CSMD1: variants seen among roughly 807,000 people sequenced by gnomAD.
CSMD1 encodes CUB and Sushi multiple domains 1.
In CSMD1, 213 loss-of-function variants were observed where a neutral mutation model predicts 417.5. That is an observed-to-expected ratio of 0.51 (90% CI 0.46 to 0.57). The LOEUF (loss-of-function observed/expected upper bound fraction) is 0.57. Ranked by LOEUF, CSMD1 falls within the 20% of genes least tolerant of loss-of-function variation. The probability of loss-of-function intolerance (pLI) is 0.00; values close to 1 mark genes in which losing one functional copy is unlikely to be tolerated. For synonymous variants in CSMD1, 2,862 were observed against 1,736.8 expected (o/e 1.65, Z -16.11); for missense variants, 6,923 against 4,529.7 (o/e 1.53, Z -15.17).
intron 11 of CSMD1, among the ~76,000 whole-genome samples, chr8:3,477,916 A>G (rs2117228448): frequency 6.6e-6 from 1 of 152,348 alleles, no homozygotes; most frequent in Admixed American, 6.5e-5. Flanking sequence ...AAGAGCAGGA[A>G]TCTGATTTAT....
At chr8:4,540,850 C>G (rs941482741) in intron 2 of CSMD1, among the ~76,000 whole-genome samples, 6 of 152,040 alleles carry the variant, frequency 3.9e-5, no homozygotes, top group African/African-American at 1.2e-4. Context: ...AAAGGCTCAC[C>G]CAAACCAGCA....
chr8:4,679,697 AC>A (rs1185987199), intron 1 of CSMD1, among the ~76,000 whole-genome samples: 2 of 143,862 alleles, frequency 1.4e-5, no homozygotes, highest in African/African-American at 6.0e-5. Flanking sequence ...GAACCCAGAC[AC>A]TCAGTGGATT....
intron 3 of CSMD1, among the ~76,000 whole-genome samples, chr8:4,213,561 C>G (rs930522413): frequency 2.1e-4 from 32 of 152,168 alleles, no homozygotes; most frequent in African/African-American, 7.0e-4. Flanking sequence ...AAATAAAACA[C>G]TTTTGCTCTC....
intron 12 of CSMD1, among the ~76,000 whole-genome samples, chr8:3,424,008 T>C (rs1198173945): frequency 6.6e-6 from 1 of 152,220 alleles, no homozygotes; most frequent in Non-Finnish European, 1.5e-5. Context: ...GAAAAAGTGG[T>C]CTCTCCAAGC....
At chr8:4,445,162 G>C (rs540674926) in intron 2 of CSMD1, among the ~76,000 whole-genome samples, 3 of 152,176 alleles carry the variant, frequency 2.0e-5, no homozygotes, top group East Asian at 3.9e-4. Flanking sequence ...GATGGCACTA[G>C]AAGAATCTGA....
chr8:4,167,197 C>T (rs1163258208), intron 3 of CSMD1, among the ~76,000 whole-genome samples: 1 of 152,050 alleles, frequency 6.6e-6, no homozygotes, highest in Non-Finnish European at 1.5e-5. Context: ...TTCCAGAGGG[C>T]CTGTATTTTA....
chr8:3,702,306 G>T (rs62474750), intron 7 of CSMD1: 145,035 of 152,230 alleles, frequency 0.95, 69,147 homozygotes, highest in East Asian at 1. Context: ...ATCGAATTGG[G>T]CAAGTCATTT....
At chr8:3,718,407 G>A (rs7843888) in intron 6 of CSMD1, among the ~76,000 whole-genome samples, 31,192 of 151,964 alleles carry the variant, frequency 0.21, 4,036 homozygotes, top group African/African-American at 0.37. Context: ...AAATCAGTCA[G>A]TGTCCTTTCC....
chr8:3,825,297 C>T (rs556131680), intron 5 of CSMD1, among the ~76,000 whole-genome samples: 13 of 152,020 alleles, frequency 8.6e-5, no homozygotes, highest in Non-Finnish European at 1.6e-4. Flanking sequence ...TGGGAGACCG[C>T]GACAGGTGGA....
In CSMD1 at chr8:3,550,105, A is replaced by C. The variant is rs138839859; in HGVS notation, c.1344+24840T>G. ...AAAAAGAAAGCAAAGCACAGAGCCG[A>C]TAAAAAAGTGTCCCATTGGGATCAC... On this transcript the variant is annotated intron_variant, in intron 10 of 69. Transcript: ENST00000635120. 6.9e-3 allele frequency among the ~76,000 whole-genome samples: 1,046 copies of C among 152,310 alleles called. 9 individuals are homozygous for C. Among genetic ancestry groups the C allele is most frequent in the Admixed American group, 0.015 (231 of 15,296 alleles).
chr8:4,665,096 C>T (rs1002842413), intron 1 of CSMD1, among the ~76,000 whole-genome samples: 1 of 152,176 alleles, frequency 6.6e-6, no homozygotes, highest in East Asian at 1.9e-4. Context: ...TTCCACCTTG[C>T]CACCCAGCCC....
At chr8:3,564,495 A>G (rs1799610106) in intron 10 of CSMD1, among the ~76,000 whole-genome samples, 2 of 140,818 alleles carry the variant, frequency 1.4e-5, no homozygotes, top group African/African-American at 5.2e-5. Context: ...GTCTTCTTAG[A>G]AATGCTGGCT....
chr8:4,150,215 G>T (rs1165609599), intron 3 of CSMD1, among the ~76,000 whole-genome samples: 1 of 152,132 alleles, frequency 6.6e-6, no homozygotes, highest in Non-Finnish European at 1.5e-5. Flanking sequence ...ATCGGCCCCA[G>T]GAAAACAGGG....
chr8:3,206,638 G>A (rs1380450629), intron 30 of CSMD1, among the ~76,000 whole-genome samples: 2 of 143,212 alleles, frequency 1.4e-5, no homozygotes, highest in African/African-American at 2.6e-5. Flanking sequence ...TTATGTCTGT[G>A]TGTGTGTGGG....
At chr8:3,515,286 G>C (rs149078881) in intron 10 of CSMD1, 1 of 152,108 alleles carries the variant, frequency 6.6e-6, no homozygotes, top group African/African-American at 2.4e-5. Flanking sequence ...GGAGTATGTG[G>C]TGTAAATAAT....
At chr8:4,412,973 C>G (rs762442398) in intron 3 of CSMD1, among the ~76,000 whole-genome samples, 4 of 152,162 alleles carry the variant, frequency 2.6e-5, no homozygotes, top group Non-Finnish European at 5.9e-5. Flanking sequence ...GGACAGAAGC[C>G]ATCTTTATCT....
chr8:4,031,667 C>T (rs1463938522), intron 4 of CSMD1, among the ~76,000 whole-genome samples: 3 of 152,054 alleles, frequency 2.0e-5, no homozygotes, highest in East Asian at 1.9e-4. Context: ...TATATTATTA[C>T]TTATCACATG....
chr8:3,323,901 T>C (rs75216556), intron 23 of CSMD1, among the ~76,000 whole-genome samples: 1 of 127,254 alleles, frequency 7.9e-6, no homozygotes, highest in Non-Finnish European at 1.6e-5. Context: ...TCACCCCACC[T>C]TTCATCATTG....
intron 3 of CSMD1, among the ~76,000 whole-genome samples, chr8:4,190,466 T>C (rs1417337632): frequency 6.6e-6 from 1 of 151,998 alleles, no homozygotes; most frequent in Admixed American, 6.6e-5. Flanking sequence ...CCTAACACTA[T>C]TAGAGTATTT....
Sources: gnomAD v4.1 joint callset for allele counts (sites outside exome capture counted in the v4.1 genomes callset) on GRCh38, gnomAD v4.1.1 for gene constraint, MANE v1.5 for transcripts, NCBI Gene and HGNC (gene_info 2026-07-23, HGNC 2026-07-21) for gene names.